Variants in ANKFN1 observed in about 807,000 individuals in gnomAD.
ANKFN1 encodes the protein ankyrin repeat and fibronectin type-III domain-containing protein 1.
A neutral mutation model predicts 108.7 loss-of-function variants in ANKFN1; 74 were observed. That is an observed-to-expected ratio of 0.68 (90% CI 0.56 to 0.83). ANKFN1 has a LOEUF of 0.83. ANKFN1 is among the 40% of genes least tolerant of loss of function. The pLI is 0.00. For missense variants in ANKFN1, 1,505 were observed against 1,382.3 expected (o/e 1.09, Z -1.41); for synonymous variants, 547 against 516.2 (o/e 1.06, Z -0.81).
chr17:56,369,074 G>A (rs952089725), intron 6 of ANKFN1, among the ~76,000 whole-genome samples: 1 of 152,152 alleles, frequency 6.6e-6, no homozygotes, highest in African/African-American at 2.4e-5. Flanking sequence ...CTAGACTCTG[G>A]ACCATACACC....
intron 6 of ANKFN1, among the ~76,000 whole-genome samples, chr17:56,362,967 T>C (rs2046561857): frequency 6.6e-6 from 1 of 152,114 alleles, no homozygotes; most frequent in South Asian, 2.1e-4. Context: ...TCCCAGCACT[T>C]TGGGAGGCCA....
intron 3 of ANKFN1, among the ~76,000 whole-genome samples, chr17:56,321,170 A>C (rs765772878): frequency 3.9e-5 from 6 of 152,050 alleles, no homozygotes; most frequent in South Asian, 2.1e-4. Flanking sequence ...GAGGAAGAAG[A>C]GTTTCACATT....
intron 18 of ANKFN1, among the ~76,000 whole-genome samples, chr17:56,488,157 A>T (rs1481251479): frequency 1.3e-5 from 2 of 152,208 alleles, no homozygotes; most frequent in African/African-American, 4.8e-5. Context: ...AGAGTAAAAA[A>T]CAAATAAATC....
intron 6 of ANKFN1, among the ~76,000 whole-genome samples, chr17:56,367,478 A>G (rs1164359064): frequency 2.0e-5 from 3 of 151,844 alleles, no homozygotes; most frequent in African/African-American, 7.3e-5. Context: ...AATTAGCTGC[A>G]TAGGTCTTAT....
At chr17:56,298,544 A>G (rs939633393) in intron 3 of ANKFN1, among the ~76,000 whole-genome samples, 1 of 152,084 alleles carries the variant, frequency 6.6e-6, no homozygotes, top group Non-Finnish European at 1.5e-5. Context: ...TTCGCTGCTT[A>G]TTTACTGACT....
intron 8 of ANKFN1, among the ~76,000 whole-genome samples, chr17:56,420,352 G>A (rs1281226088): frequency 6.6e-6 from 1 of 152,190 alleles, no homozygotes; most frequent in Non-Finnish European, 1.5e-5. Context: ...TATCACCTAT[G>A]AGGTCTATGG....
intron 8 of ANKFN1, among the ~76,000 whole-genome samples, chr17:56,387,661 T>A (rs950089189): frequency 6.6e-6 from 1 of 152,224 alleles, no homozygotes; most frequent in South Asian, 2.1e-4. Flanking sequence ...TGTGTGTGTG[T>A]TGTTTAAGTA....
intron 4 of ANKFN1, among the ~76,000 whole-genome samples, chr17:56,072,401 C>CAAGA (rs1905130905): frequency 6.6e-6 from 1 of 151,932 alleles, no homozygotes; most frequent in Non-Finnish European, 1.5e-5. Flanking sequence ...CAAGTGTAAT[C>CAAGA]AACACTAGAT....
chr17:56,204,622 C>T (rs1598232930), intron 1 of ANKFN1, among the ~76,000 whole-genome samples: 1 of 152,076 alleles, frequency 6.6e-6, no homozygotes, highest in Non-Finnish European at 1.5e-5. Context: ...ATTACAGGCA[C>T]AAGTCACTGT....
chr17:56,381,849 T>G (rs891411678), intron 8 of ANKFN1, among the ~76,000 whole-genome samples: 7 of 152,136 alleles, frequency 4.6e-5, no homozygotes, highest in African/African-American at 1.7e-4. Context: ...GGAACCAAGT[T>G]GGAAAACACT....
chr17:56,086,488 G>A (rs536815693), intron 4 of ANKFN1, among the ~76,000 whole-genome samples: 1 of 151,568 alleles, frequency 6.6e-6, no homozygotes, highest in Non-Finnish European at 1.5e-5. Context: ...CTGTTTCAAA[G>A]TTCACATTTC....
rs1029381542 is a variant in ANKFN1, at chr17:56,129,118, C to T, written c.288+82793C>T. Among the ~76,000 whole-genome samples, 3 of 152,136 alleles carry T rather than the reference C, an allele frequency of 2.0e-5. No individual in the cohort carries two copies. The East Asian group carries it at 5.8e-4, about 29-fold the overall frequency. On this transcript the variant is annotated intron_variant, in intron 4 of 12. Coordinates refer to the ANKFN1 transcript ENST00000635860. ...AGGGAAAAATCTATTAATTTTAAGGCATCATTGGTACCTTCTATTACTGGC... is the reference window on the plus strand; with the variant it reads ...AGGGAAAAATCTATTAATTTTAAGGTATCATTGGTACCTTCTATTACTGGC...
At chr17:56,424,294 G>A (rs116109193) in intron 8 of ANKFN1, among the ~76,000 whole-genome samples, 193 of 152,198 alleles carry the variant, frequency 1.3e-3, no homozygotes, top group African/African-American at 4.4e-3. Context: ...TGCTGTTTTC[G>A]TCACTTTTGA....
rs115863529 is a variant in ANKFN1, at chr17:56,194,107, A to G, written c.-70-18491A>G. Among the ~76,000 whole-genome samples, 570 of 152,360 alleles carry G rather than the reference A, an allele frequency of 3.7e-3. 5 individuals are homozygous for G. Among genetic ancestry groups the G allele is most frequent in the African/African-American group, 0.013 (548 of 41,584 alleles). ...CACCTATTTAGAATGGCCAAAATCC[A>G]GAATGCTGAGAACATCAAATGCTTG... is the stretch of plus-strand genomic sequence containing the variant. On this transcript the variant is annotated intron_variant, in intron 1 of 20. Coordinates refer to ENST00000682825, the MANE Select transcript of ANKFN1 (RefSeq NM_001370326.1).
At chr17:56,477,844 T>G (rs916551413) in intron 16 of ANKFN1, among the ~76,000 whole-genome samples, 190 bp downstream of exon 16, 6 of 152,100 alleles carry the variant, frequency 3.9e-5, no homozygotes, top group Non-Finnish European at 7.4e-5. Flanking sequence ...TGTTGTTTTT[T>G]GAGACGGAGT....
chr17:56,184,957 A>G (rs1295368654), intron 1 of ANKFN1: 1 of 152,240 alleles, frequency 6.6e-6, no homozygotes, highest in East Asian at 1.9e-4. Context: ...AACAGAAGGA[A>G]ATAAAATGTC....
chr17:56,133,314 G>A (rs1456130444), intron 4 of ANKFN1, among the ~76,000 whole-genome samples: 2 of 152,142 alleles, frequency 1.3e-5, no homozygotes, highest in Non-Finnish European at 2.9e-5. Context: ...TAGCTTGCAT[G>A]TGCACTATGA....
At chr17:56,341,951 G>A (rs1391450310) in intron 4 of ANKFN1, among the ~76,000 whole-genome samples, 3 of 151,734 alleles carry the variant, frequency 2.0e-5, no homozygotes, top group South Asian at 2.1e-4. Context: ...TTTTTTGCTT[G>A]GTAGGCTATT....
At chr17:56,327,072 G>GTC (rs1353121062) in intron 4 of ANKFN1, among the ~76,000 whole-genome samples, 5 of 152,100 alleles carry the variant, frequency 3.3e-5, no homozygotes, top group Non-Finnish European at 7.4e-5. Flanking sequence ...AGTTACCCGT[G>GTC]CTGATCATTG....
Sources: allele counts gnomAD v4.1 joint callset (sites outside exome capture counted in the v4.1 genomes callset), GRCh38; gene constraint gnomAD v4.1.1; transcripts MANE v1.5; gene names NCBI Gene and HGNC (gene_info 2026-07-23, HGNC 2026-07-21).